CAMK4: variants seen among roughly 807,000 people sequenced by gnomAD.
The protein encoded by CAMK4 is calcium/calmodulin-dependent protein kinase type IV.
Under a neutral mutation model 44.9 loss-of-function variants are expected in CAMK4, and 22 were observed. The observed-to-expected ratio is 0.49, with a 90% CI of 0.35 to 0.70. CAMK4 has a LOEUF of 0.70. Among genes scored for constraint, CAMK4 ranks in the 30% least tolerant of loss-of-function variants. The probability of loss-of-function intolerance (pLI) is 0.01; values close to 1 mark genes in which losing one functional copy is unlikely to be tolerated. For synonymous variants in CAMK4, 218 were observed against 215.4 expected (o/e 1.01, Z -0.11); for missense variants, 498 against 586.8 (o/e 0.85, Z 1.56).
At chr5:111,265,628 G>A (rs903072727) in intron 1 of CAMK4, among the ~76,000 whole-genome samples, 1 of 152,160 alleles carries the variant, frequency 6.6e-6, no homozygotes, top group East Asian at 1.9e-4. Flanking sequence ...ATGCACATGA[G>A]AGTAAGATAT....
rs937194160 is a variant in CAMK4 at position 111,493,708 on chromosome 5, T to A, written c.*9242T>A. The A allele has an allele frequency of 1.3e-5, 2 of 152,216 alleles. No individual in the cohort carries two copies. The highest frequency in any genetic ancestry group is 4.8e-5 in the African/African-American group (2 of 41,462). 9.4% of individuals were successfully genotyped at this position (152,216 alleles called of 1,614,324 possible). A position where few individuals can be genotyped will look rare whatever the true frequency, so the allele number is the denominator to read the frequency against. On this transcript the variant is annotated 3_prime_UTR_variant, in exon 11 of 11. Coordinates refer to ENST00000282356, the MANE Select transcript of CAMK4 (RefSeq NM_001744.6). This position sits in a 1 kb window ranked among gnomAD's most constrained non-coding sequence, Gnocchi z 4.1. The stretch of plus-strand genomic sequence containing the variant: ...GTCCCTTTACATACTGTTTTGTAAG[T>A]TCCTTTTGATATCATTTATTGCAGG...
At chr5:111,376,822 G>T in intron 3 of CAMK4, 38 bp from the exon 4 acceptor site, 1 of 1,260,952 alleles carries the variant, frequency 7.9e-7, no homozygotes, top group Non-Finnish European at 1.2e-6. Context: ...GATGGAATAA[G>T]AAATTTGTGA....
intron 2 of CAMK4, among the ~76,000 whole-genome samples, chr5:111,345,248 T>A (rs1421373542): frequency 6.6e-6 from 1 of 151,886 alleles, no homozygotes; most frequent in Non-Finnish European, 1.5e-5. Context: ...AAAAACAATT[T>A]AATGAAAGTC....
At position 111,484,184 on chromosome 5, in the gene CAMK4, C is replaced by T. The variant is rs1349646308; in HGVS notation, c.1140C>T (p.Gly380=). The T allele has an allele frequency of 3.1e-6, 5 of 1,613,998 alleles. No homozygotes were observed. The highest frequency in any genetic ancestry group is 1.6e-4 in the Middle Eastern group (1 of 6,062). The part of the protein sequence containing the change: ...KAIPEGEKIQ[G]DGAQAAVKGA... ...TTCCAGAAGGAGAGAAAATTCAAGGCGATGGGGCCCAAGCCGCAGTTAAGG... is the reference window on the plus strand; with the variant it reads ...TTCCAGAAGGAGAGAAAATTCAAGGTGATGGGGCCCAAGCCGCAGTTAAGG... The change falls in exon 11 of 11, where the codon GGC becomes GGT. Residue 380 remains glycine, a synonymous_variant. Transcript: ENST00000282356. The surrounding 1 kb of genome is among the most constrained non-coding windows in gnomAD (Gnocchi z 5.3).
chr5:111,267,658 C>G (rs1204333560), intron 1 of CAMK4, among the ~76,000 whole-genome samples: 3 of 133,218 alleles, frequency 2.3e-5, no homozygotes, highest in Non-Finnish European at 3.0e-5. Context: ...GAGCGGAGAT[C>G]GTGCCACAGC....
intron 1 of CAMK4, among the ~76,000 whole-genome samples, chr5:111,337,732 T>C (rs1749467459): frequency 6.6e-6 from 1 of 151,104 alleles, no homozygotes; most frequent in Non-Finnish European, 1.5e-5. Flanking sequence ...TTGGCACTAG[T>C]AAGGTTCTGA....
intron 5 of CAMK4, among the ~76,000 whole-genome samples, chr5:111,420,880 C>T (rs1019889952): frequency 6.6e-6 from 1 of 152,114 alleles, no homozygotes; most frequent in Non-Finnish European, 1.5e-5. Flanking sequence ...TTTCATATTG[C>T]TCAAACACAC....
intron 1 of CAMK4, among the ~76,000 whole-genome samples, chr5:111,316,527 A>C (rs796566295): frequency 1.3e-5 from 2 of 152,284 alleles, no homozygotes; most frequent in South Asian, 2.1e-4. Flanking sequence ...ATCTTCCTCT[A>C]GCTCTGAGGA....
chr5:111,487,833 T>C lies in CAMK4; in HGVS notation c.*3367T>C, dbSNP rs150414999. 1.5e-4 allele frequency: 23 copies of C among 152,256 alleles called. No homozygotes were observed. In the East Asian group the frequency reaches 4.4e-3, roughly 29 times the overall value. 9.4% of individuals were successfully genotyped at this position (152,256 alleles called of 1,614,324 possible). On this transcript the variant is annotated 3_prime_UTR_variant, in exon 11 of 11. Coordinates refer to ENST00000282356, the MANE Select transcript of CAMK4 (RefSeq NM_001744.6). ...ATTTAAGTGGCCTCAGTTTTCACAT[T>C]GAGGAGCTGGTGGGAGGCCACAAAG...
intron 5 of CAMK4, among the ~76,000 whole-genome samples, chr5:111,425,198 C>G (rs1046211760): frequency 6.6e-6 from 1 of 151,678 alleles, no homozygotes. Flanking sequence ...ACATCCCTGA[C>G]GTGAGTCAGT....
At chr5:111,249,455 A>G (rs1407779348) in intron 1 of CAMK4, among the ~76,000 whole-genome samples, 1 of 150,872 alleles carries the variant, frequency 6.6e-6, no homozygotes. Flanking sequence ...TATGTATTTT[A>G]AATAAATATA....
intron 1 of CAMK4, among the ~76,000 whole-genome samples, chr5:111,296,441 C>T (rs1056134225): frequency 3.3e-5 from 5 of 152,168 alleles, no homozygotes; most frequent in Admixed American, 6.5e-5. Context: ...ATAAAATTAA[C>T]TCCTGGTTTG....
intron 7 of CAMK4, among the ~76,000 whole-genome samples, chr5:111,450,411 C>T (rs1443113505): frequency 6.6e-6 from 1 of 151,684 alleles, no homozygotes; most frequent in East Asian, 1.9e-4. Flanking sequence ...TAATCACCTA[C>T]TGTGTAGTCA....
intron 1 of CAMK4, among the ~76,000 whole-genome samples, chr5:111,279,612 T>C (rs938610968): frequency 2.3e-4 from 35 of 152,322 alleles, no homozygotes; most frequent in African/African-American, 8.2e-4. Context: ...CTAACTCCTA[T>C]TGCTAATTTA....
At chr5:111,425,565 C>T (rs540538496) in intron 5 of CAMK4, among the ~76,000 whole-genome samples, 1 of 152,320 alleles carries the variant, frequency 6.6e-6, no homozygotes, top group Non-Finnish European at 1.5e-5. Context: ...TAACTTTCTT[C>T]ATTCATTTGC....
chr5:111,447,154 G>A (rs1169327665), intron 6 of CAMK4, among the ~76,000 whole-genome samples: 1 of 152,062 alleles, frequency 6.6e-6, no homozygotes, highest in Non-Finnish European at 1.5e-5. Flanking sequence ...CTTAATTTTA[G>A]GTAATAAAGA....
At chr5:111,281,237 G>C (rs189104564) in intron 1 of CAMK4, among the ~76,000 whole-genome samples, 6 of 152,318 alleles carry the variant, frequency 3.9e-5, no homozygotes, top group African/African-American at 1.4e-4. Context: ...GGACAGTTCT[G>C]TGGTGCTGTT....
intron 1 of CAMK4, among the ~76,000 whole-genome samples, chr5:111,276,362 T>C (rs1007107800): frequency 3.9e-5 from 6 of 152,176 alleles, no homozygotes; most frequent in Non-Finnish European, 5.9e-5. Context: ...CCCAAAATCT[T>C]GCAGCTATCT....
intron 5 of CAMK4, among the ~76,000 whole-genome samples, chr5:111,424,434 CTTTTTTTTT>C (rs34618322): frequency 2.0e-4 from 13 of 64,898 alleles, no homozygotes; most frequent in African/African-American, 7.1e-4. Flanking sequence ...ATCTTCTATT[CTTTTTTTTT>C]TTTTTTTTTT....
Sources: gnomAD v4.1 joint callset for allele counts (sites outside exome capture counted in the v4.1 genomes callset) on GRCh38, gnomAD v4.1.1 for gene constraint, Gnocchi (gnomAD v3.1) non-coding constraint, MANE v1.5 for transcripts, NCBI Gene and HGNC (gene_info 2026-07-23, HGNC 2026-07-21) for gene names.